Variants in GRAMD2B observed in about 807,000 individuals in gnomAD.
GRAMD2B encodes the protein GRAM domain containing 2B, also known as GRAM domain-containing protein 2B.
A neutral mutation model predicts 59.2 loss-of-function variants in GRAMD2B; 41 were observed. That is an observed-to-expected ratio of 0.69 (90% CI 0.54 to 0.90). The LOEUF is 0.90. GRAMD2B is among the 40% of genes least tolerant of loss of function. GRAMD2B has a pLI of 0.00. For synonymous variants in GRAMD2B, 161 were observed against 182.7 expected, an observed-to-expected ratio of 0.88 and a Z score of 0.96; for missense variants, 424 against 500.5, an observed-to-expected ratio of 0.85 and a Z score of 1.46.
intron 1 of GRAMD2B, among the ~76,000 whole-genome samples, chr5:126,433,009 T>A (rs981452064): frequency 3.3e-5 from 5 of 152,220 alleles, no homozygotes; most frequent in Non-Finnish European, 7.3e-5. Context: ...ATGGGTACCA[T>A]GCTAAGTGTC....
upstream of GRAMD2B, among the ~76,000 whole-genome samples, chr5:126,367,458 G>GAAGTAGAGGAAA (rs1177746061): frequency 6.6e-6 from 1 of 151,616 alleles, no homozygotes; most frequent in Admixed American, 6.6e-5. Context: ...GGAGGAGGAG[G>GAAGTAGAGGAAA]AGGAGGAGGA....
At chr5:126,436,209 AC>A (rs775919733) in intron 1 of GRAMD2B, among the ~76,000 whole-genome samples, 1 of 152,248 alleles carries the variant, frequency 6.6e-6, no homozygotes, top group Non-Finnish European at 1.5e-5. Context: ...TAATAATTAT[AC>A]TAGCATTTTA....
At chr5:126,377,006 A>G (rs952623418) in intron 1 of GRAMD2B, among the ~76,000 whole-genome samples, 1 of 151,748 alleles carries the variant, frequency 6.6e-6, no homozygotes, top group Non-Finnish European at 1.5e-5. Context: ...TTTTCCCAGC[A>G]GGAAAGAATA....
upstream of GRAMD2B, among the ~76,000 whole-genome samples, chr5:126,369,653 A>G (rs1259325777): frequency 2.6e-5 from 4 of 152,340 alleles, no homozygotes; most frequent in East Asian, 1.9e-4. Flanking sequence ...TAATAAATAT[A>G]TATCAGTTGA....
chr5:126,384,900 A>G (rs940325221), intron 1 of GRAMD2B, among the ~76,000 whole-genome samples: 33 of 152,242 alleles, frequency 2.2e-4, no homozygotes, highest in Non-Finnish European at 8.8e-5. Context: ...TCGGTATAAC[A>G]TTCATTATAC....
chr5:126,394,354 C>T (rs1757162558), intron 1 of GRAMD2B, among the ~76,000 whole-genome samples: 2 of 151,780 alleles, frequency 1.3e-5, no homozygotes, highest in South Asian at 4.2e-4. Flanking sequence ...GAAAGTAGGG[C>T]ATGAGTATCA....
intron 8 of GRAMD2B, among the ~76,000 whole-genome samples, chr5:126,481,154 A>G (rs1365327353): frequency 6.7e-6 from 1 of 150,206 alleles, no homozygotes; most frequent in Non-Finnish European, 1.5e-5. Flanking sequence ...GAGACTTCAC[A>G]ACTTAGAAGA....
At position 126,423,598 on chromosome 5, in the gene GRAMD2B, A is replaced by G; in HGVS notation, c.-9A>G. The G allele has an allele frequency of 1.2e-6, 2 of 1,611,004 alleles. No individual in the cohort carries two copies. The highest frequency in any genetic ancestry group is 1.7e-6 in the Non-Finnish European group (2 of 1,178,826). On this transcript the variant is annotated 5_prime_UTR_variant, in exon 1 of 14. Coordinates refer to ENST00000285689, the MANE Select transcript of GRAMD2B (RefSeq NM_023927.4). ...GGAAGTCTGAAGGTGCCCTCCAGAC[A>G]CGGCCCCGATGACTGAACTACAGCA...
At position 126,476,320 on chromosome 5, in the gene GRAMD2B, A is replaced by G. The variant is rs569609250; in HGVS notation, c.487-1372A>G. Among the ~76,000 whole-genome samples, 3 of 152,340 alleles carry G rather than the reference A, an allele frequency of 2.0e-5. No individual in the cohort carries two copies. The East Asian group carries it at 5.8e-4, about 29-fold the overall frequency. On this transcript the variant is annotated intron_variant, in intron 5 of 13. Transcript: ENST00000285689. ...TCCTTCAAGCTGGCAGTACTTACAT[A>G]AAGCCCATCTCTTTGAGAATATGTG...
intron 1 of GRAMD2B, among the ~76,000 whole-genome samples, chr5:126,418,385 C>T (rs1759435906): frequency 6.6e-6 from 1 of 152,160 alleles, no homozygotes; most frequent in African/African-American, 2.4e-5. Context: ...ACTGCTTCTG[C>T]TTTCTCAATT....
intron 1 of GRAMD2B, among the ~76,000 whole-genome samples, chr5:126,376,594 G>A (rs779210402): frequency 6.6e-5 from 10 of 152,204 alleles, no homozygotes; most frequent in Non-Finnish European, 1.3e-4. Flanking sequence ...CAGGAACACA[G>A]CAGACACTGT....
chr5:126,373,032 A>G (rs970545896), intron 1 of GRAMD2B, among the ~76,000 whole-genome samples: 3 of 152,174 alleles, frequency 2.0e-5, no homozygotes, highest in Non-Finnish European at 4.4e-5. Context: ...TAAAACCCAC[A>G]TCAACTTAAA....
chr5:126,444,262 A>G (rs1763807642), intron 1 of GRAMD2B, among the ~76,000 whole-genome samples: 1 of 152,200 alleles, frequency 6.6e-6, no homozygotes, highest in Non-Finnish European at 1.5e-5. Flanking sequence ...AGCAAACCAT[A>G]CTGTGCAGAT....
chr5:126,430,399 A>G (rs936951038), intron 1 of GRAMD2B, among the ~76,000 whole-genome samples: 2 of 152,188 alleles, frequency 1.3e-5, no homozygotes, highest in South Asian at 4.1e-4. Context: ...ACCCATTTCC[A>G]GGTGTAATTC....
At chr5:126,436,513 G>T (rs1469438471) in intron 1 of GRAMD2B, among the ~76,000 whole-genome samples, 1 of 152,142 alleles carries the variant, frequency 6.6e-6, no homozygotes, top group Non-Finnish European at 1.5e-5. Context: ...TTAGACGGGT[G>T]CAGTGGTACA....
intron 1 of GRAMD2B, among the ~76,000 whole-genome samples, chr5:126,426,601 C>G (rs1208070555): frequency 6.6e-6 from 1 of 152,068 alleles, no homozygotes; most frequent in African/African-American, 2.4e-5. Flanking sequence ...TACATTTTTC[C>G]TTATTGAATT....
chr5:126,379,806 A>C (rs543565561), intron 1 of GRAMD2B, among the ~76,000 whole-genome samples: 1 of 152,298 alleles, frequency 6.6e-6, no homozygotes, highest in Non-Finnish European at 1.5e-5. Flanking sequence ...TCTGGATATC[A>C]GTCCTTTGTC....
At position 126,492,929 on chromosome 5, in the gene GRAMD2B, AC is replaced by A. The variant is rs771226749; in HGVS notation, c.1273del (p.Gln425ArgfsTer71). On this transcript the variant is annotated frameshift_variant, in exon 14 of 14. Transcript: ENST00000285689. LOFTEE classifies it high-confidence loss of function. ...TTTATTTCAAGATACAAAATAACTT[AC>A]AGAAGTTGCTTGAGAATGGTGACTG... ...VKLEKIQNNL[Q>X]KLLENGD 16 of 1,609,056 alleles carry A rather than the reference AC, an allele frequency of 9.9e-6. No individual in the cohort carries two copies. The highest frequency in any genetic ancestry group is 1.4e-5 in the Non-Finnish European group (16 of 1,175,502).
At chr5:126,367,524 C>T (rs73330487), upstream of GRAMD2B, among the ~76,000 whole-genome samples, 756 of 152,126 alleles carry the variant, frequency 5.0e-3, 2 homozygotes, top group African/African-American at 0.017. Flanking sequence ...GGCATGAATT[C>T]CGCACCTCCC....
Sources: allele counts gnomAD v4.1 joint callset (sites outside exome capture counted in the v4.1 genomes callset), GRCh38; gene constraint gnomAD v4.1.1; transcripts MANE v1.5; gene names NCBI Gene and HGNC (gene_info 2026-07-23, HGNC 2026-07-21).